The following ABHD12 variants were observed in gnomAD, a reference collection of about 807,000 sequenced individuals.
ABHD12 encodes abhydrolase domain containing 12, lysophospholipase, also known as lysophosphatidylserine lipase ABHD12.
ABHD12 carries 43 observed loss-of-function variants against 58.3 expected under a neutral mutation model. The observed-to-expected ratio is 0.74, with a 90% confidence interval of 0.58 to 0.95. The LOEUF (loss-of-function observed/expected upper bound fraction) is 0.95, where lower values mean the gene tolerates loss of function less well. ABHD12 is among the 40% of genes least tolerant of loss of function. The pLI is 0.00. For missense variants in ABHD12, 539 were observed against 537.2 expected, an observed-to-expected ratio of 1.00 and a Z score of -0.03; for synonymous variants, 219 against 211.2, an observed-to-expected ratio of 1.04 and a Z score of -0.32.
At chr20:25,323,548 C>G in intron 2 of ABHD12, 118 bp from the exon 3 acceptor site, 1 of 730,134 alleles carries the variant, frequency 1.4e-6, no homozygotes, top group Non-Finnish European at 2.5e-6. Flanking sequence ...CACACACACA[C>G]ATGCACACCC....
chr20:25,347,366 C>T (rs76852770), intron 1 of ABHD12, among the ~76,000 whole-genome samples: 328 of 152,276 alleles, frequency 2.2e-3, no homozygotes, highest in African/African-American at 7.8e-3. Flanking sequence ...TAAAACTGTA[C>T]CAGGATGTGT....
chr20:25,380,189 C>T (rs1307561300), intron 1 of ABHD12, among the ~76,000 whole-genome samples: 1 of 152,070 alleles, frequency 6.6e-6, no homozygotes, highest in Non-Finnish European at 1.5e-5. Context: ...AATTCCATTT[C>T]AGTAATTTTC....
chr20:25,300,541 G>C lies in ABHD12; in HGVS notation c.*304C>G. ...GACTCCCCCTGTCCAGCTCAGTGCAGCATCAAGCAGGCAGTGATGGCTGCC... is the reference window on the plus strand; with the variant it reads ...GACTCCCCCTGTCCAGCTCAGTGCACCATCAAGCAGGCAGTGATGGCTGCC... On this transcript the variant is annotated 3_prime_UTR_variant, in exon 13 of 13. Coordinates refer to ENST00000339157, the MANE Select transcript of ABHD12 (RefSeq NM_001042472.3). 7.3e-7 allele frequency: 1 copy of C among 1,375,972 alleles called. No individual in the cohort carries two copies. Among genetic ancestry groups the C allele is most frequent in the Non-Finnish European group, 9.4e-7 (1 of 1,063,146 alleles). 85.2% of individuals were successfully genotyped at this position (1,375,972 alleles called of 1,614,324 possible). A position where few individuals can be genotyped will look rare whatever the true frequency, so the allele number is the denominator to read the frequency against.
rs1568727719 is a variant in ABHD12, at chr20:25,322,383, T to TA, written c.422+941_422+942insT. 3.0e-3 allele frequency among the ~76,000 whole-genome samples: 94 copies of TA among 31,548 alleles called. 3 individuals are homozygous for TA. Among genetic ancestry groups the TA allele is most frequent in the South Asian group, 0.019 (12 of 622 alleles). The allele number at this position is 31,548 out of a possible 152,430, so 20.7% of individuals were successfully genotyped here. A position where few individuals can be genotyped will look rare whatever the true frequency, so the allele number is the denominator to read the frequency against. On this transcript the variant is annotated intron_variant, in intron 3 of 12. Transcript: ENST00000339157. ...AAAAGATATATATATATATATATATTTTTTTTTTTTTTTGAGACAAGAGTC... is the reference window on the plus strand; with the variant it reads ...AAAAGATATATATATATATATATATTATTTTTTTTTTTTTGAGACAAGAGTC...
At chr20:25,332,370 AC>A (rs1425760075) in intron 2 of ABHD12, among the ~76,000 whole-genome samples, 1 of 150,754 alleles carries the variant, frequency 6.6e-6, no homozygotes, top group Non-Finnish European at 1.5e-5. Flanking sequence ...GACTTTAACA[AC>A]CCACTGTCAA....
chr20:25,318,777 T>G (rs1362073882), intron 4 of ABHD12, among the ~76,000 whole-genome samples: 4 of 152,128 alleles, frequency 2.6e-5, no homozygotes, highest in African/African-American at 9.7e-5. Context: ...TGTAGCCACT[T>G]GCTCTTTGAA....
intron 1 of ABHD12, among the ~76,000 whole-genome samples, chr20:25,378,101 A>C (rs2089981269): frequency 6.6e-6 from 1 of 152,238 alleles, no homozygotes; most frequent in African/African-American, 2.4e-5. Flanking sequence ...TAAACCATCA[A>C]GCCATAGCAG....
intron 5 of ABHD12, 41 bp downstream of exon 5, chr20:25,317,007 G>C (rs1400406645): frequency 1.9e-6 from 3 of 1,602,114 alleles, no homozygotes; most frequent in Admixed American, 3.3e-5. Flanking sequence ...GCCCTGGAAA[G>C]AACAGCCCAG....
intron 2 of ABHD12, among the ~76,000 whole-genome samples, chr20:25,325,873 CCAGCCTGGCCAA>C (rs2089166400): frequency 1.3e-5 from 2 of 151,874 alleles, no homozygotes; most frequent in South Asian, 4.2e-4. Flanking sequence ...GAGTTCGAGA[CCAGCCTGGCCAA>C]CATGGCAAAA....
chr20:25,317,751 G>C (rs1281793133), intron 4 of ABHD12, among the ~76,000 whole-genome samples: 3 of 152,220 alleles, frequency 2.0e-5, no homozygotes, highest in Admixed American at 1.3e-4. Flanking sequence ...AGTGGGCTCG[G>C]CACACACCCT....
intron 1 of ABHD12, among the ~76,000 whole-genome samples, chr20:25,349,160 C>A (rs2089564877): frequency 6.6e-6 from 1 of 151,400 alleles, no homozygotes; most frequent in South Asian, 2.1e-4. Context: ...TAAGAGAGCA[C>A]ATTAAAAATC....
chr20:25,381,792 G>A (rs991584008), intron 1 of ABHD12, among the ~76,000 whole-genome samples: 1 of 151,812 alleles, frequency 6.6e-6, no homozygotes, highest in African/African-American at 2.4e-5. Context: ...CCCTCACCTG[G>A]GATTACAGGT....
chr20:25,334,189 G>A (rs931959803), intron 2 of ABHD12, among the ~76,000 whole-genome samples: 1 of 150,992 alleles, frequency 6.6e-6, no homozygotes, highest in Non-Finnish European at 1.5e-5. Context: ...AATCATGAGT[G>A]AACTCCCATT....
downstream of ABHD12, chr20:25,300,155 C>T (rs985711128): frequency 8.2e-6 from 8 of 978,650 alleles, no homozygotes; most frequent in Admixed American, 5.9e-5. Flanking sequence ...AGGCTGTGGG[C>T]GGCTCTGGGG....
At chr20:25,386,018 G>A (rs2090085157) in intron 1 of ABHD12, among the ~76,000 whole-genome samples, 1 of 151,638 alleles carries the variant, frequency 6.6e-6, no homozygotes, top group African/African-American at 2.4e-5. Flanking sequence ...GGAGAATGGC[G>A]TGAACCCGGG....
intron 6 of ABHD12, among the ~76,000 whole-genome samples, chr20:25,310,728 A>G (rs1254518593): frequency 6.6e-6 from 1 of 152,092 alleles, no homozygotes; most frequent in Non-Finnish European, 1.5e-5. Flanking sequence ...GACAGGCAAG[A>G]AGACTGACAG....
intron 2 of ABHD12, among the ~76,000 whole-genome samples, chr20:25,332,332 C>T (rs1392257801): frequency 6.6e-6 from 1 of 152,014 alleles, no homozygotes; most frequent in East Asian, 1.9e-4. Flanking sequence ...TACAAAGAGA[C>T]TTAGACTCCC....
intron 1 of ABHD12, among the ~76,000 whole-genome samples, chr20:25,340,641 GAC>G (rs1353549459): frequency 1.1e-4 from 17 of 152,272 alleles, no homozygotes; most frequent in African/African-American, 4.1e-4. Flanking sequence ...GCTATCTCTG[GAC>G]AATTTCCAAA....
At chr20:25,310,866 T>C (rs936420834) in intron 6 of ABHD12, among the ~76,000 whole-genome samples, 4 of 152,132 alleles carry the variant, frequency 2.6e-5, no homozygotes, top group South Asian at 2.1e-4. Flanking sequence ...ATTAGAAACG[T>C]AGACTCCACG....
Sources: gnomAD v4.1 joint callset for allele counts (sites outside exome capture counted in the v4.1 genomes callset) on GRCh38, gnomAD v4.1.1 for gene constraint, MANE v1.5 for transcripts, NCBI Gene and HGNC (gene_info 2026-07-23, HGNC 2026-07-21) for gene names.